The following TUBGCP6 variants were observed in gnomAD, a reference collection of about 807,000 sequenced individuals.
TUBGCP6 encodes the protein gamma-tubulin complex component 6.
A neutral mutation model predicts 175.8 loss-of-function variants in TUBGCP6; 161 were observed. The observed-to-expected ratio is 0.92, with a 90% CI of 0.81 to 1.04. The LOEUF (loss-of-function observed/expected upper bound fraction) is 1.04, where lower values mean the gene tolerates loss of function less well. Among genes scored for constraint, TUBGCP6 ranks in the 50% least tolerant of loss-of-function variants. The pLI, the probability that TUBGCP6 is intolerant of heterozygous loss-of-function variation, is 0.00. For missense variants in TUBGCP6, 2,572 were observed against 2,433.0 expected (o/e 1.06, Z -1.20); for synonymous variants, 1,173 against 1,030.5 (o/e 1.14, Z -2.65).
Position 50,244,990 on chromosome 22 carries a change from C to G in TUBGCP6, c.-531G>C, listed in dbSNP as rs953705480. ...GGAAAGTGCCCACGGCTGCCGCTCT[C>G]GCCGCCTCCGTCGCGTCACAGCCGC... On this transcript the variant is annotated 5_prime_UTR_variant, in exon 1 of 25. Transcript: ENST00000248846. The G allele has an allele frequency of 1.3e-5, 3 of 227,450 alleles. No homozygotes were observed. Among genetic ancestry groups the G allele is most frequent in the African/African-American group, 7.1e-5 (3 of 42,014 alleles). 14.1% of individuals were successfully genotyped at this position (227,450 alleles called of 1,614,324 possible). A position where few individuals can be genotyped will look rare whatever the true frequency, so the allele number is the denominator to read the frequency against.
chr22:50,217,728 G>A lies in TUBGCP6; in HGVS notation c.*8C>T. 6.2e-7 allele frequency: 1 copy of A among 1,613,606 alleles called. No homozygotes were observed. Among genetic ancestry groups the A allele is most frequent in the Non-Finnish European group, 8.5e-7 (1 of 1,179,742 alleles). On this transcript the variant is annotated 3_prime_UTR_variant, in exon 25 of 25. Coordinates refer to ENST00000248846, the MANE Select transcript of TUBGCP6 (RefSeq NM_020461.4). ...ACCTTTATTGTGCACGTCCCCCGCAGAGCAGCCTCAGGCGTCCTGGTAGTA... is the reference window on the plus strand; with the variant it reads ...ACCTTTATTGTGCACGTCCCCCGCAAAGCAGCCTCAGGCGTCCTGGTAGTA...
chr22:50,231,846 C>T (rs1424216518), intron 3 of TUBGCP6, among the ~76,000 whole-genome samples: 3 of 127,210 alleles, frequency 2.4e-5, no homozygotes, highest in Non-Finnish European at 4.8e-5. Flanking sequence ...GGCCACAGAG[C>T]GAGACTCCGT....
intron 2 of TUBGCP6, among the ~76,000 whole-genome samples, chr22:50,238,638 C>T (rs1341027659): frequency 1.3e-5 from 2 of 150,594 alleles, no homozygotes; most frequent in Non-Finnish European, 3.0e-5. Flanking sequence ...CCCGGGTTCA[C>T]GCCATTCTCC....
At position 50,218,860 on chromosome 22, in the gene TUBGCP6, G is replaced by A. The variant is rs374226178; in HGVS notation, c.4664C>T (p.Pro1555Leu). 26 of 1,613,650 alleles carry A rather than the reference G, an allele frequency of 1.6e-5. No individual in the cohort carries two copies. The East Asian group carries it at 2.5e-4, about 15-fold the overall frequency. The change falls in exon 21 of 25, where the codon CCG (proline) becomes CTG (leucine). Residue 1555 changes from proline to leucine, a missense_variant. Transcript: ENST00000248846. ...AGQTPGELLN[P>L]LVLNSVLSKA... ...GCTCAGCACAGAGTTCAGCACCAGC[G>A]GGTTGAGCAGCTCTCCGGGCGTTTG...
In TUBGCP6 at chr22:50,218,549, C is replaced by G; in HGVS notation, c.4893G>C (p.Leu1631=). The G allele has an allele frequency of 1.2e-6, 2 of 1,613,754 alleles. No homozygotes were observed. Among genetic ancestry groups the G allele is most frequent in the African/African-American group, 1.3e-5 (1 of 75,030 alleles). ...VSKYSGVFSF[L]LQLKLMMWAL... ...CCCACATCATGAGCTTCAGCTGCAGCAGGAAGGAGAAGACGCCGCTGTACT... is the reference window on the plus strand; with the variant it reads ...CCCACATCATGAGCTTCAGCTGCAGGAGGAAGGAGAAGACGCCGCTGTACT... The change falls in exon 22 of 25, where the codon CTG becomes CTC. Residue 1631 remains leucine, a synonymous_variant. Transcript: ENST00000248846.
intron 1 of TUBGCP6, among the ~76,000 whole-genome samples, chr22:50,240,649 T>C (rs2064828111): frequency 1.3e-5 from 2 of 152,124 alleles, no homozygotes; most frequent in African/African-American, 4.8e-5. Context: ...GAAATTCCAA[T>C]GTGGGGAACC....
In TUBGCP6 at chr22:50,219,984, G is replaced by C; in HGVS notation, c.4140C>G (p.Leu1380=). 2 of 1,614,064 alleles carry C rather than the reference G, an allele frequency of 1.2e-6. No individual in the cohort carries two copies. The highest frequency in any genetic ancestry group is 1.7e-6 in the Non-Finnish European group (2 of 1,179,970). Residue 1380 remains leucine (L), a synonymous_variant, in exon 17 of 25, where the codon CTC becomes CTG. Coordinates refer to ENST00000248846, the MANE Select transcript of TUBGCP6 (RefSeq NM_020461.4). ...GPGRSGDTED[L]SPNWPLNSQE... ...GTGAGTTGAGAGGCCAATTTGGAGAGAGGTCCTCAGTGTCCCCGCTCCTCC... is the reference window on the plus strand; with the variant it reads ...GTGAGTTGAGAGGCCAATTTGGAGACAGGTCCTCAGTGTCCCCGCTCCTCC...
chr22:50,219,531 C>T lies in TUBGCP6; in HGVS notation c.4316-75G>A. On this transcript the variant is annotated intron_variant, in intron 18 of 24. Coordinates refer to ENST00000248846, the MANE Select transcript of TUBGCP6 (RefSeq NM_020461.4). The stretch of plus-strand genomic sequence containing the variant: ...CCGCCCCCATCCACAGGAGATGGAG[C>T]ACGTGCTGGGAACTGGCTAGCCCAG... 2.5e-6 allele frequency: 4 copies of T among 1,585,714 alleles called. No homozygotes were observed. The Middle Eastern group carries it at 5.6e-4, about 223-fold the overall frequency.
intron 3 of TUBGCP6, among the ~76,000 whole-genome samples, chr22:50,232,095 T>C (rs1221071206): frequency 6.6e-6 from 1 of 151,386 alleles, no homozygotes; most frequent in Non-Finnish European, 1.5e-5. Context: ...CCGGGCGTGG[T>C]GGCTCATGCC....
At position 50,221,508 on chromosome 22, in the gene TUBGCP6, A is replaced by T. The variant is rs2147180096; in HGVS notation, c.2851T>A (p.Tyr951Asn). ...GGCCTCAGGACAGTACTAAAGTCGT[A>T]CTCCTGTGGCCTGGAGGGCTGAGTG... ...ASTQPSRPQE[Y>N]DFSTVLRPAV... Residue 951 changes from tyrosine to asparagine, a missense_variant, in exon 16 of 25, where the codon TAC (tyrosine) becomes AAC (asparagine). By Grantham distance (143) the Tyr-to-Asn change is moderately radical. Coordinates refer to ENST00000248846, the MANE Select transcript of TUBGCP6 (RefSeq NM_020461.4). The T allele has an allele frequency of 1.3e-6, 2 of 1,585,668 alleles. No individual in the cohort carries two copies. The highest frequency in any genetic ancestry group is 1.7e-6 in the Non-Finnish European group (2 of 1,165,948).
intron 3 of TUBGCP6, 22 bp from the exon 4 acceptor site, chr22:50,229,599 T>C (rs1312098749): frequency 1.3e-6 from 2 of 1,566,886 alleles, no homozygotes; most frequent in Non-Finnish European, 1.7e-6. Flanking sequence ...CAGAGGACAC[T>C]GGTCACAGAG....
chr22:50,240,708 G>A (rs1452057930), intron 1 of TUBGCP6, among the ~76,000 whole-genome samples: 1 of 152,174 alleles, frequency 6.6e-6, no homozygotes, highest in African/African-American at 2.4e-5. Flanking sequence ...TGTACACCGG[G>A]GCCAGGCGCA....
chr22:50,232,418 T>TCAC (rs2064705527), intron 3 of TUBGCP6, among the ~76,000 whole-genome samples: 1 of 147,038 alleles, frequency 6.8e-6, no homozygotes, highest in Non-Finnish European at 1.5e-5. Context: ...ATGAGCTGAG[T>TCAC]GTGGTGGCAC....
chr22:50,241,868 C>G (rs149708828), intron 1 of TUBGCP6, among the ~76,000 whole-genome samples: 9 of 148,602 alleles, frequency 6.1e-5, no homozygotes, highest in African/African-American at 2.2e-4. Flanking sequence ...CCGGGCCCAG[C>G]TGTTTTTTCT....
At position 50,224,434 on chromosome 22, in the gene TUBGCP6, G is replaced by A. The variant is rs779585522; in HGVS notation, c.2066-14C>T. The stretch of plus-strand genomic sequence containing the variant: ...ACATCTGCCGGTCTACATTGGGACA[G>A]TAAGGGGCGCACTGTCACAAGGAGG... On this transcript the variant is annotated splice_polypyrimidine_tract_variant and intron_variant, in intron 11 of 24. Coordinates refer to ENST00000248846, the MANE Select transcript of TUBGCP6 (RefSeq NM_020461.4). The A allele has an allele frequency of 8.1e-6, 13 of 1,614,080 alleles. No homozygotes were observed. The highest frequency in any genetic ancestry group is 3.3e-5 in the Admixed American group (2 of 59,992).
intron 1 of TUBGCP6, 55 bp downstream of exon 1, chr22:50,243,664 G>A: frequency 2.9e-6 from 4 of 1,375,432 alleles, no homozygotes; most frequent in South Asian, 1.4e-5. Context: ...AAAGGTCACA[G>A]GAAGCATTTT....
intron 19 of TUBGCP6, 25 bp from the exon 20 acceptor site, chr22:50,219,234 G>C: frequency 1.2e-6 from 2 of 1,610,778 alleles, no homozygotes; most frequent in South Asian, 2.2e-5. Flanking sequence ...CTGGAGTCAG[G>C]GCGGGCCAGG....
Position 50,224,316 on chromosome 22 carries a change from G to C in TUBGCP6, c.2154+16C>G. 6.2e-7 allele frequency: 1 copy of C among 1,614,188 alleles called. No homozygotes were observed. The highest frequency in any genetic ancestry group is 1.1e-5 in the South Asian group (1 of 91,086). On this transcript the variant is annotated intron_variant, in intron 12 of 24. Coordinates refer to ENST00000248846, the MANE Select transcript of TUBGCP6 (RefSeq NM_020461.4). ...GAACTGACAGGCGTGACCCCGCAGG[G>C]ACAGGTCCTACCCACCTCCTGGTCC...
chr22:50,219,847 A>G lies in TUBGCP6; in HGVS notation c.4168-56T>C. The G allele has an allele frequency of 1.9e-6, 3 of 1,603,594 alleles. No homozygotes were observed. The South Asian group carries it at 3.3e-5, about 18-fold the overall frequency. The stretch of plus-strand genomic sequence containing the variant: ...CCCACTGCACGCTGTCCCCACAACC[A>G]GCTTGTGCCAAAAAAAGGAAAATCG... On this transcript the variant is annotated intron_variant, in intron 17 of 24. Coordinates refer to ENST00000248846, the MANE Select transcript of TUBGCP6 (RefSeq NM_020461.4).
Sources: allele counts gnomAD v4.1 joint callset (sites outside exome capture counted in the v4.1 genomes callset), GRCh38; gene constraint gnomAD v4.1.1; transcripts MANE v1.5; gene names NCBI Gene and HGNC (gene_info 2026-07-23, HGNC 2026-07-21).